CTNNA1: variants seen among roughly 807,000 people sequenced by gnomAD.
The protein encoded by CTNNA1 is catenin alpha-1.
Under a neutral mutation model 98.4 loss-of-function variants are expected in CTNNA1, and 37 were observed. That is an observed-to-expected ratio of 0.38 (90% confidence interval 0.29 to 0.49). The LOEUF is 0.49. CTNNA1 is among the 20% of genes least tolerant of loss of function. The pLI is 0.95. For synonymous variants in CTNNA1, 404 were observed against 413.2 expected (o/e 0.98, Z 0.27); for missense variants, 761 against 1,147.2 (o/e 0.66, Z 4.86).
rs1375490031 is a variant in CTNNA1 at position 138,849,246 on chromosome 5, A to G, written c.1062+21528A>G. On this transcript the variant is annotated intron_variant, in intron 7 of 17. Transcript: ENST00000302763. ...TGTAGTTTCATGTTCATTTTTTATA[A>G]GTTGTATTTCCTCTCTATTTTTTTT... Among the ~76,000 whole-genome samples, 5 of 152,132 alleles carry G rather than the reference A, an allele frequency of 3.3e-5. No homozygotes were observed. In the East Asian group the frequency reaches 9.6e-4, roughly 29 times the overall value.
intron 2 of CTNNA1, 160 bp downstream of exon 2, chr5:138,782,189 T>G: frequency 1.4e-6 from 1 of 732,748 alleles, no homozygotes. Context: ...ATGGGTTTAG[T>G]TAACCCTTGA....
intron 5 of CTNNA1, among the ~76,000 whole-genome samples, chr5:138,812,828 C>T (rs1023884533): frequency 6.6e-6 from 1 of 152,300 alleles, no homozygotes; most frequent in Non-Finnish European, 1.5e-5. Context: ...TCGGCATTTT[C>T]ACTGTTGGTG....
intron 13 of CTNNA1, among the ~76,000 whole-genome samples, chr5:138,927,675 A>G (rs1764397153): frequency 6.6e-6 from 1 of 152,002 alleles, no homozygotes; most frequent in African/African-American, 2.4e-5. Flanking sequence ...GTCACTTTGT[A>G]TCTTTAGGGC....
chr5:138,758,321 C>T (rs1052530104), intron 1 of CTNNA1, among the ~76,000 whole-genome samples: 2 of 152,130 alleles, frequency 1.3e-5, no homozygotes, highest in African/African-American at 4.8e-5. Flanking sequence ...CCTGCCTCAG[C>T]CTCCCTAGTA....
At chr5:138,755,528 G>A (rs1751537720) in intron 1 of CTNNA1, among the ~76,000 whole-genome samples, 1 of 152,130 alleles carries the variant, frequency 6.6e-6, no homozygotes, top group Admixed American at 6.6e-5. Context: ...CACCACTGAT[G>A]TGGCATCACC....
intron 7 of CTNNA1, among the ~76,000 whole-genome samples, chr5:138,831,654 T>G (rs575520200): frequency 6.6e-6 from 1 of 152,356 alleles, no homozygotes; most frequent in East Asian, 1.9e-4. Flanking sequence ...CTACATCATC[T>G]TACATTATTT....
At chr5:138,824,430 T>G in intron 5 of CTNNA1, 100 bp from the exon 6 acceptor site, 3 of 1,258,822 alleles carry the variant, frequency 2.4e-6, no homozygotes, top group Non-Finnish European at 3.3e-6. Flanking sequence ...TGTGTCTAAT[T>G]AATAGAAATT....
At chr5:138,800,703 T>C (rs531995548) in intron 3 of CTNNA1, among the ~76,000 whole-genome samples, 1 of 152,148 alleles carries the variant, frequency 6.6e-6, no homozygotes, top group African/African-American at 2.4e-5. Context: ...TTCGGGAGGC[T>C]GAGGCAGGAG....
At chr5:138,830,911 A>G (rs377347335) in intron 7 of CTNNA1, among the ~76,000 whole-genome samples, 1 of 152,202 alleles carries the variant, frequency 6.6e-6, no homozygotes, top group African/African-American at 2.4e-5. Context: ...TTTCTCTTCT[A>G]GAAGATTTAT....
chr5:138,794,509 T>C (rs980779741), intron 3 of CTNNA1, among the ~76,000 whole-genome samples: 5 of 152,216 alleles, frequency 3.3e-5, no homozygotes, highest in African/African-American at 1.2e-4. Context: ...GAAGGCTTGA[T>C]TGAGAAGATT....
intron 7 of CTNNA1, among the ~76,000 whole-genome samples, chr5:138,864,340 A>T (rs288010): frequency 5.9e-5 from 9 of 151,984 alleles, no homozygotes; most frequent in African/African-American, 2.2e-4. Flanking sequence ...CAATTGGGAA[A>T]GTTACAAATC....
intron 5 of CTNNA1, among the ~76,000 whole-genome samples, chr5:138,815,205 T>C (rs1437255214): frequency 3.9e-5 from 6 of 152,190 alleles, no homozygotes; most frequent in African/African-American, 1.2e-4. Flanking sequence ...TAATCCCTTA[T>C]GTATTTTTTT....
chr5:138,855,112 C>T (rs2149860660), intron 7 of CTNNA1, among the ~76,000 whole-genome samples: 1 of 152,324 alleles, frequency 6.6e-6, no homozygotes, highest in Non-Finnish European at 1.5e-5. Flanking sequence ...GATCTCGGCT[C>T]ACTGCAACCT....
intron 7 of CTNNA1, among the ~76,000 whole-genome samples, chr5:138,839,736 G>A (rs369452075): frequency 1.3e-5 from 2 of 152,164 alleles, no homozygotes; most frequent in African/African-American, 4.8e-5. Context: ...CATTCAGTGG[G>A]ACAGACAGGG....
At position 138,930,857 on chromosome 5, in the gene CTNNA1, G is replaced by A. The variant is rs1059110; in HGVS notation, c.2220G>A (p.Ser740=). 0.29 allele frequency: 466,660 copies of A among 1,610,028 alleles called. 70,975 individuals are homozygous for A. The highest frequency in any genetic ancestry group is 0.41 in the African/African-American group (30,646 of 74,820). Reference sequence around the variant, plus strand: ...GTAAAGGACCACTCAAAAATACATCGGATGTCATCAGTGCTGCCAAGAAAA... The same window carrying A: ...GTAAAGGACCACTCAAAAATACATCAGATGTCATCAGTGCTGCCAAGAAAA... ...TRGKGPLKNT[S]DVISAAKKIA... is the part of the protein sequence containing the mutation. Residue 740 remains serine (S), a synonymous_variant, in exon 16 of 18, where the codon TCG becomes TCA. Transcript: ENST00000302763.
intron 7 of CTNNA1, among the ~76,000 whole-genome samples, chr5:138,845,279 C>T (rs1344516501): frequency 1.3e-5 from 2 of 152,208 alleles, no homozygotes; most frequent in Non-Finnish European, 2.9e-5. Context: ...GGACTAATGA[C>T]TGCCAAAAGG....
In CTNNA1 at chr5:138,864,614, C is replaced by A. The variant is rs1764568849; in HGVS notation, c.1063-21598C>A. Among the ~76,000 whole-genome samples the A allele has an allele frequency of 3.3e-5, 5 of 152,050 alleles. No homozygotes were observed. In the South Asian group the frequency reaches 1.0e-3, roughly 32 times the overall value. On this transcript the variant is annotated intron_variant, in intron 7 of 17. Transcript: ENST00000302763. ...CAGCTAAATTATAAACTAAATCCTC[C>A]CATAGTTAGCTTAGCCTATGCACAG...
intron 5 of CTNNA1, among the ~76,000 whole-genome samples, chr5:138,819,857 G>GT (rs1759840016): frequency 2.1e-5 from 3 of 141,686 alleles, no homozygotes; most frequent in African/African-American, 7.6e-5. Context: ...TTGGCGGGGG[G>GT]CGGGGGGGTG....
At chr5:138,928,672 G>C (rs991428884) in intron 13 of CTNNA1, among the ~76,000 whole-genome samples, 1 of 152,198 alleles carries the variant, frequency 6.6e-6, no homozygotes, top group African/African-American at 2.4e-5. Flanking sequence ...AGTGGCTCAC[G>C]CCTGTAATCT....
Sources: gnomAD v4.1 joint callset for allele counts (sites outside exome capture counted in the v4.1 genomes callset) on GRCh38, gnomAD v4.1.1 for gene constraint, MANE v1.5 for transcripts, NCBI Gene and HGNC (gene_info 2026-07-23, HGNC 2026-07-21) for gene names.